ARHGAP31: variants seen among roughly 807,000 people sequenced by gnomAD.
ARHGAP31 encodes rho GTPase-activating protein 31.
In ARHGAP31, 34 loss-of-function variants were observed where a neutral mutation model predicts 113.9. The observed-to-expected ratio is 0.30, with a 90% CI of 0.23 to 0.40. The LOEUF (loss-of-function observed/expected upper bound fraction) is 0.40, where lower values mean the gene tolerates loss of function less well. ARHGAP31 is among the 10% of genes least tolerant of loss of function. ARHGAP31 has a pLI of 1.00. For synonymous variants in ARHGAP31, 650 were observed against 684.8 expected (o/e 0.95, Z 0.79); for missense variants, 1,548 against 1,767.1 (o/e 0.88, Z 2.22).
rs1258759221 is a variant in ARHGAP31, at chr3:119,365,359, CG to C, written c.146del (p.Gly49AlafsTer19). The C allele has an allele frequency of 6.2e-7, 1 of 1,614,092 alleles. No homozygotes were observed. Among genetic ancestry groups the C allele is most frequent in the Admixed American group, 1.7e-5 (1 of 60,026 alleles). Reference protein sequence around the residue: ...KSCAEFIETHGIVDGIYRLSG... With the variant: ...KSCAEFIETHXIVDGIYRLSG... ...GCTGTGCAGAATTTATAGAGACTCA[CG>C]GCATCGTGGATGGAATCTATCGGCT... On this transcript the variant is annotated frameshift_variant, in exon 2 of 12. Coordinates refer to ENST00000264245, the MANE Select transcript of ARHGAP31 (RefSeq NM_020754.4). LOFTEE classifies it high-confidence loss of function.
chr3:119,353,422 C>T (rs2080128339), intron 1 of ARHGAP31, among the ~76,000 whole-genome samples: 1 of 152,196 alleles, frequency 6.6e-6, no homozygotes, highest in African/African-American at 2.4e-5. Context: ...TACCTCTGAG[C>T]TTCAGTTTCT....
chr3:119,400,647 A>C (rs2080595256), intron 9 of ARHGAP31, among the ~76,000 whole-genome samples: 1 of 152,100 alleles, frequency 6.6e-6, no homozygotes, highest in African/African-American at 2.4e-5. Flanking sequence ...ATGGCATGTG[A>C]GTATTAGGTC....
At chr3:119,344,611 A>G (rs1170640423) in intron 1 of ARHGAP31, among the ~76,000 whole-genome samples, 1 of 152,196 alleles carries the variant, frequency 6.6e-6, no homozygotes, top group East Asian at 1.9e-4. Context: ...CAAGCACTTC[A>G]TAGATTATTT....
At chr3:119,365,262 G>C in intron 1 of ARHGAP31, 54 bp from the exon 2 acceptor site, 1 of 1,451,200 alleles carries the variant, frequency 6.9e-7, no homozygotes, top group Non-Finnish European at 9.6e-7. Context: ...ATCTTTAAAA[G>C]ACAGGCAGAC....
intron 10 of ARHGAP31, among the ~76,000 whole-genome samples, chr3:119,406,659 CCT>C (rs2080665737): frequency 6.6e-6 from 1 of 152,182 alleles, no homozygotes; most frequent in African/African-American, 2.4e-5. Flanking sequence ...CAGATGTCTG[CCT>C]TGCGTTTCTG....
At chr3:119,336,478 T>C (rs1371002138) in intron 1 of ARHGAP31, among the ~76,000 whole-genome samples, 4 of 152,080 alleles carry the variant, frequency 2.6e-5, no homozygotes, top group African/African-American at 9.7e-5. Context: ...TAAGGGGATG[T>C]GTCGTCAGCA....
chr3:119,358,790 C>A (rs180990067), intron 1 of ARHGAP31, among the ~76,000 whole-genome samples: 18 of 152,232 alleles, frequency 1.2e-4, no homozygotes, highest in Admixed American at 1.2e-3. Flanking sequence ...CCAAAACGGG[C>A]AAACCCATAG....
chr3:119,353,036 T>C (rs1192857924), intron 1 of ARHGAP31, among the ~76,000 whole-genome samples: 1 of 152,216 alleles, frequency 6.6e-6, no homozygotes, highest in Non-Finnish European at 1.5e-5. Flanking sequence ...GCGGTCTGCA[T>C]GTATTGTAAT....
At chr3:119,360,991 C>T (rs113801309) in intron 1 of ARHGAP31, among the ~76,000 whole-genome samples, 21 of 152,298 alleles carry the variant, frequency 1.4e-4, no homozygotes, top group Admixed American at 6.5e-4. Context: ...ATGCCTAAAT[C>T]GACAATAGAA....
Position 119,416,206 on chromosome 3 carries a change from A to T in ARHGAP31, c.4277A>T (p.Tyr1426Phe). The change falls in exon 12 of 12, where the codon TAC (tyrosine) becomes TTC (phenylalanine). Residue 1426 changes from tyrosine (Y) to phenylalanine (F), a missense_variant. By Grantham distance (22) the Tyr-to-Phe change is conservative (BLOSUM62 3). Coordinates refer to ENST00000264245, the MANE Select transcript of ARHGAP31 (RefSeq NM_020754.4). ...QRLETSTSCF[Y>F]QPQRRSVILD... is the part of the protein sequence containing the mutation. ...CTAGAGACCTCAACCAGCTGTTTTT[A>T]CCAGCCTCAGCGGAGATCAGTAATT... 2 of 1,614,200 alleles carry T rather than the reference A, an allele frequency of 1.2e-6. No homozygotes were observed. Among genetic ancestry groups the T allele is most frequent in the Non-Finnish European group, 1.7e-6 (2 of 1,180,034 alleles).
chr3:119,372,788 T>C (rs966886208), intron 3 of ARHGAP31, among the ~76,000 whole-genome samples: 1 of 152,216 alleles, frequency 6.6e-6, no homozygotes. Context: ...GTCTCTGTTA[T>C]ACAGATCATT....
intron 7 of ARHGAP31, among the ~76,000 whole-genome samples, chr3:119,391,700 T>C (rs1404644689): frequency 2.0e-5 from 3 of 148,334 alleles, no homozygotes; most frequent in Admixed American, 6.9e-5. Context: ...AAAGGCAACC[T>C]TTCCATTGAA....
chr3:119,297,185 TG>T (rs1185127097), intron 1 of ARHGAP31, among the ~76,000 whole-genome samples: 1 of 152,240 alleles, frequency 6.6e-6, no homozygotes, highest in Non-Finnish European at 1.5e-5. Context: ...TAAAACTAGT[TG>T]GATGGTTTTT....
At chr3:119,384,357 G>T (rs900622725) in intron 6 of ARHGAP31, among the ~76,000 whole-genome samples, 20 of 152,156 alleles carry the variant, frequency 1.3e-4, no homozygotes, top group African/African-American at 3.9e-4. Flanking sequence ...CATTACCGCT[G>T]TCTAATGCCA....
intron 1 of ARHGAP31, among the ~76,000 whole-genome samples, chr3:119,323,695 G>T (rs1333086334): frequency 6.6e-6 from 1 of 152,162 alleles, no homozygotes. Context: ...CCTGGGCTGT[G>T]GCTGAGCCCT....
Position 119,375,483 on chromosome 3 carries a change from G to C in ARHGAP31, c.349-5421G>C, listed in dbSNP as rs1297113300. ...ATTTAGGACGCACCCAGATAATCGA[G>C]GATAATGTCCCCACTCGACATCCTT... On this transcript the variant is annotated intron_variant, in intron 3 of 11. Coordinates refer to ENST00000264245, the MANE Select transcript of ARHGAP31 (RefSeq NM_020754.4). Among the ~76,000 whole-genome samples, 5 of 152,254 alleles carry C rather than the reference G, an allele frequency of 3.3e-5. No homozygotes were observed. In the South Asian group the frequency reaches 6.2e-4, roughly 19 times the overall value.
intron 1 of ARHGAP31, among the ~76,000 whole-genome samples, chr3:119,358,400 A>G (rs774267469): frequency 1.2e-4 from 19 of 152,264 alleles, no homozygotes; most frequent in Admixed American, 2.6e-4. Flanking sequence ...GCTGGTGGGA[A>G]TGTAAAATGG....
chr3:119,322,037 G>C (rs1041660107), intron 1 of ARHGAP31, among the ~76,000 whole-genome samples: 7 of 152,160 alleles, frequency 4.6e-5, no homozygotes, highest in Admixed American at 1.3e-4. Flanking sequence ...TTAATTTTAT[G>C]AACAAGCCCA....
At chr3:119,407,152 C>A (rs1007267390) in intron 10 of ARHGAP31, among the ~76,000 whole-genome samples, 4 of 151,900 alleles carry the variant, frequency 2.6e-5, no homozygotes, top group Non-Finnish European at 5.9e-5. Flanking sequence ...TTGAGACCAG[C>A]CTGGCAAACA....
Sources: gnomAD v4.1 joint callset for allele counts (sites outside exome capture counted in the v4.1 genomes callset) on GRCh38, gnomAD v4.1.1 for gene constraint, MANE v1.5 for transcripts, NCBI Gene and HGNC (gene_info 2026-07-23, HGNC 2026-07-21) for gene names.